Variants in TMEM59 observed in about 807,000 individuals in gnomAD.
TMEM59 encodes dendritic cell factor 1.
Under a neutral mutation model 42.2 loss-of-function variants are expected in TMEM59, and 44 were observed. That is an observed-to-expected ratio of 1.04 (90% confidence interval 0.82 to 1.34). The LOEUF (loss-of-function observed/expected upper bound fraction) is 1.34, where lower values mean the gene tolerates loss of function less well. TMEM59 is among the 40% of genes most tolerant of loss of function. The pLI, the probability that TMEM59 is intolerant of heterozygous loss-of-function variation, is 0.00. For synonymous variants in TMEM59, 148 were observed against 145.8 expected, an observed-to-expected ratio of 1.02 and a Z score of -0.11; for missense variants, 359 against 382.8, an observed-to-expected ratio of 0.94 and a Z score of 0.52.
Position 54,049,447 on chromosome 1 carries a change from T to C in TMEM59, c.190-2075A>G, listed in dbSNP as rs56920073. ...CACTGTATTAAGACTTAACAAATTA[T>C]GAAACATCTGGTATGGAGCAGGCAC... On this transcript the variant is annotated intron_variant, in intron 1 of 7. Transcript: ENST00000234831. Among the ~76,000 whole-genome samples, 1,401 of 152,306 alleles carry C rather than the reference T, an allele frequency of 9.2e-3. 25 individuals carry two copies. The highest frequency in any genetic ancestry group is 0.032 in the African/African-American group (1,337 of 41,572).
chr1:54,043,047 G>C (rs1270044914), intron 4 of TMEM59, among the ~76,000 whole-genome samples: 2 of 151,932 alleles, frequency 1.3e-5, no homozygotes, highest in African/African-American at 2.4e-5. Context: ...ATCATATATG[G>C]CCACTATTTA....
At chr1:54,043,264 A>G (rs1657203962) in intron 4 of TMEM59, 109 bp downstream of exon 4, 1 of 995,486 alleles carries the variant, frequency 1.0e-6, no homozygotes, top group African/African-American at 1.7e-5. Context: ...TTATTTGATG[A>G]TAAATATTTG....
At chr1:54,043,797 A>C (rs572536648) in intron 3 of TMEM59, 1 of 160,530 alleles carries the variant, frequency 6.2e-6, no homozygotes, top group Admixed American at 6.4e-5. Flanking sequence ...TTAAGTCCAA[A>C]AATAAGAAGA....
At position 54,032,208 on chromosome 1, in the gene TMEM59, T is replaced by C; in HGVS notation, c.914A>G (p.Asp305Gly). ...SLVVVRSKTE[D>G]HEEAGPLPTK... is the part of the protein sequence containing the mutation. ...AGGTAGAGGCCCTGCTTCTTCATGA[T>C]CTTCAGTTTTAGATCTAACAACCAC... The change falls in exon 8 of 8, where the codon GAT becomes GGT. Residue 305 changes from aspartate to glycine, a missense_variant. Physicochemically the swap from Asp to Gly is moderately conservative, Grantham distance 94 (BLOSUM62 -1). Coordinates refer to ENST00000234831, the MANE Select transcript of TMEM59 (RefSeq NM_004872.5). 1 of 1,613,304 alleles carries C rather than the reference T, an allele frequency of 6.2e-7. No individual in the cohort carries two copies. Among genetic ancestry groups the C allele is most frequent in the Non-Finnish European group, 8.5e-7 (1 of 1,179,624 alleles).
At chr1:54,035,895 C>A (rs1390062094) in intron 7 of TMEM59, among the ~76,000 whole-genome samples, 1 of 152,194 alleles carries the variant, frequency 6.6e-6, no homozygotes. Flanking sequence ...ATTAGAGAGG[C>A]ATGAGCACCA....
At chr1:54,045,420 G>C (rs1657296020) in intron 3 of TMEM59, 1 of 372,766 alleles carries the variant, frequency 2.7e-6, no homozygotes, top group Non-Finnish European at 4.8e-6. Flanking sequence ...CTGAGCCTTG[G>C]TTTTTTCATA....
chr1:54,037,427 T>C lies in TMEM59; in HGVS notation c.708-709A>G, dbSNP rs368823061. On this transcript the variant is annotated intron_variant, in intron 6 of 7. Coordinates refer to ENST00000234831, the MANE Select transcript of TMEM59 (RefSeq NM_004872.5). ...TTTTTATAGAGACAAGCTCTCACTA[T>C]ATTGCCCAGGCTGGCCTTGAACTCA... 2.2e-4 allele frequency among the ~76,000 whole-genome samples: 33 copies of C among 152,394 alleles called. No homozygotes were observed. In the East Asian group the frequency reaches 5.8e-3, roughly 27 times the overall value.
In TMEM59 at chr1:54,053,148, A is replaced by T. The variant is rs776022142; in HGVS notation, c.41T>A (p.Leu14Gln). 1 of 1,614,168 alleles carries T rather than the reference A, an allele frequency of 6.2e-7. No individual in the cohort carries two copies. The change falls in exon 1 of 8, where the codon CTG becomes CAG. Residue 14 changes from leucine to glutamine, a missense_variant. Coordinates refer to ENST00000234831, the MANE Select transcript of TMEM59 (RefSeq NM_004872.5). Reference sequence around the variant, plus strand: ...CAGCAGCAGCAGCGGCGGGAGCCCCAGTTGGGTCCTCACCCAGAGGCTCCC... The same window carrying T: ...CAGCAGCAGCAGCGGCGGGAGCCCCTGTTGGGTCCTCACCCAGAGGCTCCC... ...PKGSLWVRTQ[L>Q]GLPPLLLLTM...
rs1656779337 is a variant in TMEM59, at chr1:54,032,024, T to A, written c.*126A>T. On this transcript the variant is annotated 3_prime_UTR_variant, in exon 8 of 8. Coordinates refer to ENST00000234831, the MANE Select transcript of TMEM59 (RefSeq NM_004872.5). ...TATAGCAAATACAGTCTTCACAGAT[T>A]TGAGTAACTTTATTTGCATTTTATA... is the stretch of plus-strand genomic sequence containing the variant. 2.5e-6 allele frequency: 2 copies of A among 814,266 alleles called. No individual in the cohort carries two copies. The highest frequency in any genetic ancestry group is 2.9e-5 in the East Asian group (1 of 34,630). The allele number at this position is 814,266 out of a possible 1,614,324, so 50.4% of individuals were successfully genotyped here. A position where few individuals can be genotyped will look rare whatever the true frequency, so the allele number is the denominator to read the frequency against.
chr1:54,033,844 G>C (rs1462442299), intron 7 of TMEM59: 1 of 152,076 alleles, frequency 6.6e-6, no homozygotes, highest in African/African-American at 2.4e-5. Context: ...CTGGCTGGGC[G>C]TGGTGGCTCA....
rs187731670 is a variant in TMEM59 at position 54,048,206 on chromosome 1, C to A, written c.190-834G>T. On this transcript the variant is annotated intron_variant, in intron 1 of 7. Transcript: ENST00000234831. ...GTTTATATGAAGGGATTTTTTAAAA[C>A]TGGGCTTACATTAAATGAAAACACA... Among the ~76,000 whole-genome samples the A allele has an allele frequency of 3.8e-3, 575 of 152,262 alleles. 4 individuals carry two copies. The highest frequency in any genetic ancestry group is 0.013 in the African/African-American group (527 of 41,548).
At chr1:54,032,403 A>G in intron 7 of TMEM59, 98 bp from the exon 8 acceptor site, 1 of 1,171,632 alleles carries the variant, frequency 8.5e-7, no homozygotes, top group African/African-American at 1.5e-5. Context: ...TAGTTGGTAA[A>G]AAAAATTCTA....
intron 7 of TMEM59, among the ~76,000 whole-genome samples, chr1:54,035,347 A>G (rs1301429242): frequency 6.6e-6 from 1 of 152,190 alleles, no homozygotes; most frequent in African/African-American, 2.4e-5. Context: ...CTTTGGAGGC[A>G]TAAGAAAACT....
At chr1:54,040,697 A>C in intron 6 of TMEM59, 59 bp downstream of exon 6, 1 of 1,269,900 alleles carries the variant, frequency 7.9e-7, no homozygotes, top group East Asian at 2.4e-5. Flanking sequence ...AAAGTAATAT[A>C]TCTCTCTGAT....
rs1179948880 is a variant in TMEM59, at chr1:54,027,101, T to G, written c.*5049A>C. The G allele has an allele frequency of 6.6e-6, 1 of 152,182 alleles. No homozygotes were observed. Among genetic ancestry groups the G allele is most frequent in the Non-Finnish European group, 1.5e-5 (1 of 68,044 alleles). 9.4% of individuals were successfully genotyped at this position (152,182 alleles called of 1,614,324 possible). Reference sequence around the variant, plus strand: ...ACTGAAATATAACATTTCCTTCAATTACGAATATAGGAAACAGTCCACAGT... The same window carrying G: ...ACTGAAATATAACATTTCCTTCAATGACGAATATAGGAAACAGTCCACAGT... On this transcript the variant is annotated 3_prime_UTR_variant, in exon 8 of 8. Coordinates refer to ENST00000234831, the MANE Select transcript of TMEM59 (RefSeq NM_004872.5).
chr1:54,037,982 A>G (rs1481639392), intron 6 of TMEM59, among the ~76,000 whole-genome samples: 1 of 152,130 alleles, frequency 6.6e-6, no homozygotes, highest in African/African-American at 2.4e-5. Context: ...CAACAAAACA[A>G]TGACTAGATC....
In TMEM59 at chr1:54,031,118, G is replaced by A. The variant is rs1269266688; in HGVS notation, c.*1032C>T. 2.0e-5 allele frequency: 3 copies of A among 152,256 alleles called. No homozygotes were observed. The highest frequency in any genetic ancestry group is 4.4e-5 in the Non-Finnish European group (3 of 68,164). The allele number at this position is 152,256 out of a possible 1,614,324, so 9.4% of individuals were successfully genotyped here. A position where few individuals can be genotyped will look rare whatever the true frequency, so the allele number is the denominator to read the frequency against. On this transcript the variant is annotated 3_prime_UTR_variant, in exon 8 of 8. Transcript: ENST00000234831. ...AATACAAAATTATCCAGGTGTGGTG[G>A]CGCATGCCTGTAATCCCAGCTACTC...
intron 1 of TMEM59, among the ~76,000 whole-genome samples, chr1:54,052,339 T>G (rs1281956578): frequency 6.6e-6 from 1 of 152,154 alleles, no homozygotes; most frequent in African/African-American, 2.4e-5. Context: ...CTTCACCCAC[T>G]CCACGAATTC....
chr1:54,037,887 C>T (rs1657005969), intron 6 of TMEM59, among the ~76,000 whole-genome samples: 1 of 152,162 alleles, frequency 6.6e-6, no homozygotes, highest in South Asian at 2.1e-4. Flanking sequence ...AAGGAATTTA[C>T]CACAAAATGA....
Sources: allele counts gnomAD v4.1 joint callset (sites outside exome capture counted in the v4.1 genomes callset), GRCh38; gene constraint gnomAD v4.1.1; transcripts MANE v1.5; gene names NCBI Gene and HGNC (gene_info 2026-07-23, HGNC 2026-07-21).